Variants in EDIL3 observed in about 807,000 individuals in gnomAD.
EDIL3 encodes EGF like and discoidin domains 3.
Under a neutral mutation model 67.4 loss-of-function variants are expected in EDIL3, and 37 were observed. The observed-to-expected ratio is 0.55, with a 90% CI of 0.42 to 0.72. The LOEUF is 0.72. Among genes scored for constraint, EDIL3 ranks in the 30% least tolerant of loss-of-function variants. EDIL3 has a pLI of 0.00. For synonymous variants in EDIL3, 195 were observed against 196.3 expected (o/e 0.99, Z 0.05); for missense variants, 527 against 586.3 (o/e 0.90, Z 1.04).
intron 5 of EDIL3, among the ~76,000 whole-genome samples, chr5:84,116,138 T>C (rs972858658): frequency 6.8e-6 from 1 of 147,470 alleles, no homozygotes; most frequent in African/African-American, 2.5e-5. Context: ...TTATCTTTTC[T>C]TCACACTGGA....
At chr5:84,362,482 T>C (rs767979487) in intron 1 of EDIL3, among the ~76,000 whole-genome samples, 6 of 152,202 alleles carry the variant, frequency 3.9e-5, no homozygotes, top group Admixed American at 1.3e-4. Context: ...ATTCCTAATA[T>C]GTCCAAATGA....
At chr5:84,105,321 A>G (rs2112281943) in intron 6 of EDIL3, among the ~76,000 whole-genome samples, 1 of 152,190 alleles carries the variant, frequency 6.6e-6, no homozygotes, top group African/African-American at 2.4e-5. Flanking sequence ...ATAATACAAA[A>G]CAAGAACTTC....
chr5:84,234,741 C>T (rs1461158306), intron 2 of EDIL3, among the ~76,000 whole-genome samples: 3 of 152,104 alleles, frequency 2.0e-5, no homozygotes, highest in Non-Finnish European at 4.4e-5. Context: ...TTCAGAGTGA[C>T]TTATTGATCC....
At chr5:84,026,145 A>T (rs898539942) in intron 9 of EDIL3, among the ~76,000 whole-genome samples, 2 of 152,198 alleles carry the variant, frequency 1.3e-5, no homozygotes, top group Admixed American at 1.3e-4. Context: ...TGATCTCACT[A>T]AAGGATGTAC....
At chr5:84,291,742 A>C (rs2607360) in intron 1 of EDIL3, among the ~76,000 whole-genome samples, 2,924 of 128,044 alleles carry the variant, frequency 0.023, 92 homozygotes, top group African/African-American at 0.072. Flanking sequence ...ATCTATCTAT[A>C]TAGATATATC....
At chr5:84,077,462 T>A (rs1221250681) in intron 6 of EDIL3, among the ~76,000 whole-genome samples, 1 of 152,162 alleles carries the variant, frequency 6.6e-6, no homozygotes, top group East Asian at 1.9e-4. Flanking sequence ...GGACTCACAG[T>A]TCCACATGGC....
intron 9 of EDIL3, among the ~76,000 whole-genome samples, chr5:84,040,962 T>C (rs1746109684): frequency 6.6e-6 from 1 of 151,928 alleles, no homozygotes; most frequent in African/African-American, 2.4e-5. Context: ...CAAAACCCTA[T>C]CTCTACAAAA....
At chr5:84,191,025 A>C (rs1005103612) in intron 3 of EDIL3, among the ~76,000 whole-genome samples, 3 of 152,118 alleles carry the variant, frequency 2.0e-5, no homozygotes, top group East Asian at 1.9e-4. Flanking sequence ...CAGAAACCAA[A>C]AATTTAGAGA....
intron 9 of EDIL3, among the ~76,000 whole-genome samples, chr5:84,028,399 G>A (rs1278423094): frequency 6.6e-6 from 1 of 152,104 alleles, no homozygotes; most frequent in East Asian, 1.9e-4. Context: ...GAAACGTAGT[G>A]AGTTATTATT....
intron 1 of EDIL3, among the ~76,000 whole-genome samples, chr5:84,269,158 G>A (rs1173743860): frequency 6.6e-6 from 1 of 151,996 alleles, no homozygotes; most frequent in Non-Finnish European, 1.5e-5. Context: ...ATGGCACATT[G>A]TTCCATTTCA....
chr5:83,948,921 G>A (rs897039574), intron 10 of EDIL3, among the ~76,000 whole-genome samples: 22 of 151,682 alleles, frequency 1.5e-4, no homozygotes, highest in African/African-American at 5.3e-4. Flanking sequence ...ATGAAACTCT[G>A]TAACAAAATT....
Position 84,235,032 on chromosome 5 carries a change from T to C in EDIL3, c.197-5148A>G, listed in dbSNP as rs575406025. Among the ~76,000 whole-genome samples, 6 of 152,258 alleles carry C rather than the reference T, an allele frequency of 3.9e-5. No individual in the cohort carries two copies. The East Asian group carries it at 1.2e-3, about 29-fold the overall frequency. On this transcript the variant is annotated intron_variant, in intron 2 of 10. Transcript: ENST00000296591. The stretch of plus-strand genomic sequence containing the variant: ...TTACTAAAATTAGAGTAAACTATTA[T>C]TTAAATTTGTGAACTCAGTCATTAA...
chr5:84,294,150 G>A (rs926884410), intron 1 of EDIL3, among the ~76,000 whole-genome samples: 13 of 150,558 alleles, frequency 8.6e-5, no homozygotes, highest in South Asian at 2.1e-4. Flanking sequence ...TCAGGAGGCC[G>A]AGACGGGTGG....
At chr5:84,318,606 G>T (rs1228396129) in intron 1 of EDIL3, among the ~76,000 whole-genome samples, 1 of 152,200 alleles carries the variant, frequency 6.6e-6, no homozygotes. Flanking sequence ...TTAGCCACAT[G>T]CAGAAAGCTG....
At chr5:84,249,429 ATCATCT>A (rs1223207799) in intron 2 of EDIL3, among the ~76,000 whole-genome samples, 3 of 131,756 alleles carry the variant, frequency 2.3e-5, no homozygotes, top group African/African-American at 8.6e-5. Context: ...CTATCTATCT[ATCATCT>A]ATTTTTCTAT....
intron 3 of EDIL3, among the ~76,000 whole-genome samples, chr5:84,193,043 G>A (rs1399353825): frequency 6.6e-6 from 1 of 151,846 alleles, no homozygotes; most frequent in East Asian, 1.9e-4. Context: ...GGCACAGCAA[G>A]GATAAAGAAA....
At chr5:84,220,402 G>A (rs535115333) in intron 3 of EDIL3, among the ~76,000 whole-genome samples, 57 of 152,236 alleles carry the variant, frequency 3.7e-4, no homozygotes, top group African/African-American at 1.3e-3. Flanking sequence ...GCATGACAAT[G>A]CACATATGAA....
intron 1 of EDIL3, among the ~76,000 whole-genome samples, chr5:84,304,676 A>G (rs1399091343): frequency 1.3e-5 from 2 of 152,226 alleles, no homozygotes; most frequent in Admixed American, 6.5e-5. Context: ...TGAATGATAC[A>G]TATTGTCTTG....
At chr5:83,971,278 C>CTT (rs571222408) in intron 9 of EDIL3, among the ~76,000 whole-genome samples, 10 of 139,412 alleles carry the variant, frequency 7.2e-5, no homozygotes, top group Admixed American at 4.4e-4. Context: ...ATCCTTTTTT[C>CTT]TTTTTTTTTT....
Sources: allele counts gnomAD v4.1 joint callset (sites outside exome capture counted in the v4.1 genomes callset), GRCh38; gene constraint gnomAD v4.1.1; transcripts MANE v1.5; gene names NCBI Gene and HGNC (gene_info 2026-07-23, HGNC 2026-07-21).